The following MPZL1 variants were observed in gnomAD, a reference collection of about 807,000 sequenced individuals.
MPZL1 encodes the protein myelin protein zero-like protein 1.
MPZL1 carries 16 observed loss-of-function variants against 29.3 expected under a neutral mutation model. The ratio of observed to expected loss-of-function variants is 0.55; its 90% CI spans 0.37 to 0.83. The LOEUF (loss-of-function observed/expected upper bound fraction) is 0.83, where lower values mean the gene tolerates loss of function less well. Among genes scored for constraint, MPZL1 ranks in the 40% least tolerant of loss-of-function variants. The pLI is 0.00. For synonymous variants in MPZL1, 143 were observed against 132.0 expected (o/e 1.08, Z -0.57); for missense variants, 279 against 332.9 (o/e 0.84, Z 1.26).
intron 1 of MPZL1, among the ~76,000 whole-genome samples, chr1:167,748,555 T>C (rs1333501615): frequency 1.3e-5 from 2 of 152,320 alleles, no homozygotes; most frequent in African/African-American, 4.8e-5. Flanking sequence ...TTGCAAATAT[T>C]TTCTCTCATT....
chr1:167,754,629 C>T (rs1008654324), intron 1 of MPZL1, among the ~76,000 whole-genome samples: 2 of 152,172 alleles, frequency 1.3e-5, no homozygotes, highest in African/African-American at 4.8e-5. Flanking sequence ...GTGAACATAC[C>T]TATACCTACA....
chr1:167,754,241 C>T (rs1211755365), intron 1 of MPZL1, among the ~76,000 whole-genome samples: 2 of 152,198 alleles, frequency 1.3e-5, no homozygotes, highest in East Asian at 3.9e-4. Context: ...TCAAGCGATC[C>T]ACCCACCTCA....
chr1:167,732,679 C>T (rs781579509), intron 1 of MPZL1, among the ~76,000 whole-genome samples: 22 of 152,112 alleles, frequency 1.4e-4, no homozygotes, highest in Non-Finnish European at 2.8e-4. Flanking sequence ...TGCAATGGTG[C>T]GACCTCAGCT....
chr1:167,747,019 T>G (rs529185988), intron 1 of MPZL1, among the ~76,000 whole-genome samples: 1 of 152,292 alleles, frequency 6.6e-6, no homozygotes, highest in South Asian at 2.1e-4. Flanking sequence ...CACTGAGATA[T>G]ATAGAGAGTT....
rs199586587 is a variant in MPZL1, at chr1:167,776,073, A to G, written c.615A>G (p.Thr205=). The G allele has an allele frequency of 6.2e-7, 1 of 1,609,024 alleles. No homozygotes were observed. The highest frequency in any genetic ancestry group is 1.1e-5 in the South Asian group (1 of 90,566). ...NSKRDYTGCS[T]SESLSPVKQA... The stretch of plus-strand genomic sequence containing the variant: ...ATTGCCAATTCATCAGCTGCAGTAC[A>G]TCAGAGAGTTTGTCACCAGTTAAGC... The change falls in exon 5 of 6, where the codon ACA becomes ACG. Residue 205 remains threonine, a synonymous_variant. Transcript: ENST00000359523.
intron 1 of MPZL1, among the ~76,000 whole-genome samples, chr1:167,731,308 C>T (rs1322910820): frequency 1.2e-5 from 1 of 81,200 alleles, no homozygotes; most frequent in Non-Finnish European, 2.4e-5. Flanking sequence ...TGGTGGCACA[C>T]ACCTGTTATC....
At chr1:167,786,255 A>T (rs1031164995) in intron 5 of MPZL1, among the ~76,000 whole-genome samples, 9 of 152,230 alleles carry the variant, frequency 5.9e-5, no homozygotes, top group African/African-American at 2.2e-4. Flanking sequence ...ACAGAGTTTG[A>T]CTATTTAATT....
intron 1 of MPZL1, among the ~76,000 whole-genome samples, chr1:167,724,211 G>A (rs1051999129): frequency 6.6e-6 from 1 of 152,098 alleles, no homozygotes; most frequent in African/African-American, 2.4e-5. Flanking sequence ...GGGAGGGGCA[G>A]AAGTACATAC....
chr1:167,770,514 C>A (rs1269367827), intron 2 of MPZL1, among the ~76,000 whole-genome samples: 1 of 152,216 alleles, frequency 6.6e-6, no homozygotes, highest in Non-Finnish European at 1.5e-5. Flanking sequence ...GCAAGAGTAT[C>A]TTGTGTTATC....
At chr1:167,757,538 T>G (rs188336748) in intron 1 of MPZL1, among the ~76,000 whole-genome samples, 166 of 152,304 alleles carry the variant, frequency 1.1e-3, no homozygotes, top group African/African-American at 3.8e-3. Flanking sequence ...AGTGTGTACC[T>G]TTCACATCCT....
intron 1 of MPZL1, among the ~76,000 whole-genome samples, chr1:167,752,025 T>G (rs1291653193): frequency 1.3e-5 from 2 of 152,262 alleles, no homozygotes; most frequent in Non-Finnish European, 2.9e-5. Flanking sequence ...TCCTCCGTGA[T>G]GCCCACTTCC....
chr1:167,761,379 G>C (rs1660984286), intron 1 of MPZL1, among the ~76,000 whole-genome samples: 1 of 152,206 alleles, frequency 6.6e-6, no homozygotes, highest in African/African-American at 2.4e-5. Context: ...AGGTAGGCAA[G>C]AGATGAGATG....
chr1:167,765,790 GGTT>G, intron 2 of MPZL1, 41 bp downstream of exon 2: 1 of 1,515,586 alleles, frequency 6.6e-7, no homozygotes, highest in African/African-American at 1.4e-5. Flanking sequence ...CTGCCTCACA[GGTT>G]TCTTTACTGC....
chr1:167,728,803 A>G (rs1434769229), intron 1 of MPZL1, among the ~76,000 whole-genome samples: 1 of 152,180 alleles, frequency 6.6e-6, no homozygotes, highest in African/African-American at 2.4e-5. Flanking sequence ...TATCCTGTGT[A>G]TTGCAGATAA....
At chr1:167,775,945 C>T (rs1464019112) in intron 4 of MPZL1, 119 bp from the exon 5 acceptor site, 9 of 577,162 alleles carry the variant, frequency 1.6e-5, no homozygotes, top group Non-Finnish European at 2.5e-5. Context: ...GTTATGTTGT[C>T]TTTTGTTTTT....
chr1:167,770,492 T>C (rs1661215780), intron 2 of MPZL1, among the ~76,000 whole-genome samples: 1 of 152,262 alleles, frequency 6.6e-6, no homozygotes, highest in Non-Finnish European at 1.5e-5. Flanking sequence ...AAGGCTGAAC[T>C]TTCAAAAGCC....
chr1:167,779,114 T>A (rs1661435451), intron 5 of MPZL1, among the ~76,000 whole-genome samples: 1 of 150,950 alleles, frequency 6.6e-6, no homozygotes, highest in Non-Finnish European at 1.5e-5. Flanking sequence ...AGAGCGAGAC[T>A]CTGTCTCAAA....
chr1:167,766,991 C>CT (rs1323765973), intron 2 of MPZL1, among the ~76,000 whole-genome samples: 1 of 152,018 alleles, frequency 6.6e-6, no homozygotes, highest in East Asian at 1.9e-4. Flanking sequence ...ATCTCTGCCC[C>CT]CTTCCATGAA....
intron 1 of MPZL1, among the ~76,000 whole-genome samples, chr1:167,746,703 A>G (rs16859520): frequency 0.046 from 6,990 of 152,258 alleles, 529 homozygotes; most frequent in African/African-American, 0.16. Context: ...AATGGCTTTC[A>G]GAGGGCAGTA....
Sources: allele counts gnomAD v4.1 joint callset (sites outside exome capture counted in the v4.1 genomes callset), GRCh38; gene constraint gnomAD v4.1.1; transcripts MANE v1.5; gene names NCBI Gene and HGNC (gene_info 2026-07-23, HGNC 2026-07-21).